The following MASP2 variants were observed in gnomAD, a reference collection of about 807,000 sequenced individuals.
The protein encoded by MASP2 is MBL associated serine protease 2.
Under a neutral mutation model 57.1 loss-of-function variants are expected in MASP2, and 49 were observed. The ratio of observed to expected loss-of-function variants is 0.86; its 90% CI spans 0.68 to 1.09. MASP2 has a LOEUF of 1.09. Among genes scored for constraint, MASP2 ranks in the 50% least tolerant of loss-of-function variants. The probability of loss-of-function intolerance (pLI) is 0.00; values close to 1 mark genes in which losing one functional copy is unlikely to be tolerated. For synonymous variants in MASP2, 379 were observed against 340.8 expected (o/e 1.11, Z -1.24); for missense variants, 900 against 874.8 (o/e 1.03, Z -0.36).
chr1:11,028,687 A>C (rs184625276), intron 10 of MASP2, among the ~76,000 whole-genome samples: 1 of 142,340 alleles, frequency 7.0e-6, no homozygotes, highest in African/African-American at 2.7e-5. Flanking sequence ...ATATATTACT[A>C]TCTTTCTGGG....
chr1:11,045,041 T>C, intron 4 of MASP2: 1 of 1,290,466 alleles, frequency 7.7e-7, no homozygotes, highest in Non-Finnish European at 1.1e-6. Flanking sequence ...CAGGTGGGGC[T>C]GCCCACGCCC....
At position 11,027,486 on chromosome 1, in the gene MASP2, T is replaced by C. The variant is rs755571013; in HGVS notation, c.1460A>G (p.Glu487Gly). The change falls in exon 11 of 11, where the codon GAG becomes GGG. Residue 487 changes from glutamate (E) to glycine (G), a missense_variant. Transcript: ENST00000400897. ...CAGGGCGGATGCATCATGTTTTTGC[T>C]CATAGACGGCATGAGCAGCTGTTAG... ...WVLTAAHAVY[E>G]QKHDASALDI... The C allele has an allele frequency of 2.0e-5, 32 of 1,614,152 alleles. No homozygotes were observed. The South Asian group carries it at 2.9e-4, about 14-fold the overall frequency.
intron 10 of MASP2, among the ~76,000 whole-genome samples, chr1:11,028,937 TCTC>T (rs1643791850): frequency 6.6e-6 from 1 of 151,024 alleles, no homozygotes; most frequent in South Asian, 2.1e-4. Context: ...CTGGTCTTGA[TCTC>T]CTGACCTCAC....
rs772959146 is a variant in MASP2 at position 11,030,809 on chromosome 1, G to C, written c.1161C>G (p.Thr387=). 1.9e-6 allele frequency: 3 copies of C among 1,614,000 alleles called. No individual in the cohort carries two copies. The highest frequency in any genetic ancestry group is 1.1e-5 in the South Asian group (1 of 91,076). The change falls in exon 9 of 11, where the codon ACC becomes ACG. Residue 387 remains threonine (T), a synonymous_variant. Transcript: ENST00000400897. ...AGCTGTACTGAATCACAGCTTTGTAGGTGGTCACTCCAGGACCTGTGATGT... is the reference window on the plus strand; with the variant it reads ...AGCTGTACTGAATCACAGCTTTGTACGTGGTCACTCCAGGACCTGTGATGT... The part of the protein sequence containing the change: ...VEYITGPGVT[T]YKAVIQYSCE...
At chr1:11,031,299 A>G (rs920264722) in intron 8 of MASP2, among the ~76,000 whole-genome samples, 6 of 151,964 alleles carry the variant, frequency 3.9e-5, no homozygotes, top group African/African-American at 1.2e-4. Context: ...CGAGGCGGGC[A>G]GATCACAAGG....
Position 11,046,520 on chromosome 1 carries a change from G to A in MASP2, c.412+36C>T, listed in dbSNP as rs761240910. On this transcript the variant is annotated intron_variant, in intron 3 of 10. Coordinates refer to ENST00000400897, the MANE Select transcript of MASP2 (RefSeq NM_006610.4). ...CAGAGTTACCCCCACAGCCAGCTGCGCAGACTGAGATGTTGCAGGACCCCT... is the reference window on the plus strand; with the variant it reads ...CAGAGTTACCCCCACAGCCAGCTGCACAGACTGAGATGTTGCAGGACCCCT... 2.2e-5 allele frequency: 36 copies of A among 1,611,292 alleles called. No homozygotes were observed. The East Asian group carries it at 3.3e-4, about 15-fold the overall frequency.
chr1:11,034,243 GAAAA>G lies in MASP2; in HGVS notation c.1087+581_1087+584del, dbSNP rs59936951. Reference sequence around the variant, plus strand: ...GGGCAACAGAATGAGACCCTTCTCAGAAAAAAAAAAAAAAAAAAACCTTGTCAAA... The same window carrying G: ...GGGCAACAGAATGAGACCCTTCTCAGAAAAAAAAAAAAAAACCTTGTCAAA... On this transcript the variant is annotated intron_variant, in intron 8 of 10. Coordinates refer to ENST00000400897, the MANE Select transcript of MASP2 (RefSeq NM_006610.4). 8.5e-3 allele frequency among the ~76,000 whole-genome samples: 559 copies of G among 65,814 alleles called. 3 individuals are homozygous for G. Among genetic ancestry groups the G allele is most frequent in the African/African-American group, 0.021 (535 of 26,022 alleles). 43.2% of individuals were successfully genotyped at this position (65,814 alleles called of 152,430 possible).
In MASP2 at chr1:11,046,984, C is replaced by T; in HGVS notation, c.141G>A (p.Trp47Ter). The change falls in exon 2 of 11, where the codon TGG (tryptophan) becomes TGA (stop). Residue 47 changes from tryptophan (W) to a stop codon, truncating the protein, a stop_gained. Coordinates refer to ENST00000400897, the MANE Select transcript of MASP2 (RefSeq NM_006610.4). LOFTEE classifies it high-confidence loss of function. ...GGTAGCCGGGGGGTGCAGTCAGGGT[C>T]CAGCGCCGCTCCTGGTCATTGGCAT... Reference protein sequence around the residue: ...GEYANDQERRWTLTAPPGYRL... With the variant: ...GEYANDQERR 6.4e-7 allele frequency: 1 copy of T among 1,557,230 alleles called. No individual in the cohort carries two copies. The highest frequency in any genetic ancestry group is 8.7e-7 in the Non-Finnish European group (1 of 1,150,188).
rs1163574466 is a variant in MASP2 at position 11,046,556 on chromosome 1, C to T, written c.412G>A (p.Asp138Asn). ...TGFEAFYAAE[D>N]IDECQVAPGE... ...TGTTGCAGGACCCCTCTTGGCTCAC[C>T]CTCGGCTGCATAGAAGGCCTCGAAC... Residue 138 changes from aspartate to asparagine, a missense_variant and splice_region_variant, in exon 3 of 11, where the codon GAC (aspartate) becomes AAC (asparagine). Physicochemically the swap from Asp to Asn is conservative, Grantham distance 23. Coordinates refer to ENST00000400897, the MANE Select transcript of MASP2 (RefSeq NM_006610.4). 2 of 1,613,862 alleles carry T rather than the reference C, an allele frequency of 1.2e-6. No homozygotes were observed. Among genetic ancestry groups the T allele is most frequent in the East Asian group, 2.2e-5 (1 of 44,894 alleles).
intron 7 of MASP2, among the ~76,000 whole-genome samples, chr1:11,035,292 G>A (rs1002131357): frequency 2.0e-5 from 3 of 152,106 alleles, no homozygotes; most frequent in African/African-American, 4.8e-5. Flanking sequence ...TGGAGACCAA[G>A]GCGGGTGGAT....
In MASP2 at chr1:11,046,926, C is replaced by A. The variant is rs983697459; in HGVS notation, c.199G>T (p.Glu67Ter). Residue 67 changes from glutamate (E) to a stop codon, truncating the protein, a stop_gained, in exon 2 of 11, where the codon GAG becomes TAG. Transcript: ENST00000400897. LOFTEE classifies it high-confidence loss of function. ...LRLYFTHFDL[E>*]LSHLCEYDFV... ...TCGTACTCGCAGAGGTGGGAGAGCTCCAGGTCGAAGTGGGTGAAGTAGAGG... is the reference window on the plus strand; with the variant it reads ...TCGTACTCGCAGAGGTGGGAGAGCTACAGGTCGAAGTGGGTGAAGTAGAGG... 3 of 1,572,472 alleles carry A rather than the reference C, an allele frequency of 1.9e-6. No individual in the cohort carries two copies. The highest frequency in any genetic ancestry group is 2.6e-6 in the Non-Finnish European group (3 of 1,158,706).
rs762309624 is a variant in MASP2, at chr1:11,027,133, G to A, written c.1813C>T (p.Pro605Ser). 1.2e-6 allele frequency: 2 copies of A among 1,612,846 alleles called. No homozygotes were observed. The highest frequency in any genetic ancestry group is 2.2e-5 in the South Asian group (2 of 90,824). The change falls in exon 11 of 11, where the codon CCA (proline) becomes TCA (serine). Residue 605 changes from proline (P) to serine (S), a missense_variant. Physicochemically the swap from Pro to Ser is moderately conservative, Grantham distance 74 (BLOSUM62 -1). Coordinates refer to ENST00000400897, the MANE Select transcript of MASP2 (RefSeq NM_006610.4). ...HQKCTAAYEK[P>S]PYPRGSVTAN... The stretch of plus-strand genomic sequence containing the variant: ...GTTACACTTCCCCTTGGATAGGGTG[G>A]CTTTTCATATGCAGCAGTACATTTT...
intron 8 of MASP2, among the ~76,000 whole-genome samples, chr1:11,033,965 A>ACACACACACT (rs1445746544): frequency 6.5e-5 from 1 of 15,434 alleles, no homozygotes; most frequent in African/African-American, 1.7e-4. Context: ...ACACACACAC[A>ACACACACACT]CTCTCTCTCT....
intron 6 of MASP2, among the ~76,000 whole-genome samples, chr1:11,041,583 G>C (rs113568207): frequency 1.5e-5 from 2 of 135,944 alleles, no homozygotes; most frequent in South Asian, 2.6e-4. Flanking sequence ...TAAGTGGGTG[G>C]GTGGGTGGAT....
chr1:11,034,461 G>A (rs1156790523), intron 8 of MASP2, among the ~76,000 whole-genome samples: 1 of 150,980 alleles, frequency 6.6e-6, no homozygotes, highest in Non-Finnish European at 1.5e-5. Context: ...ACTTTGGGAG[G>A]CTGAGACCGG....
chr1:11,045,574 AG>A (rs1337323665), intron 3 of MASP2, 35 bp from the exon 4 acceptor site: 1 of 1,581,352 alleles, frequency 6.3e-7, no homozygotes, highest in African/African-American at 1.3e-5. Flanking sequence ...GGCCGTCAGG[AG>A]GGAAAGAGGC....
intron 7 of MASP2, 100 bp downstream of exon 7, chr1:11,037,593 A>C (rs1638282905): frequency 4.2e-6 from 3 of 715,188 alleles, no homozygotes; most frequent in Non-Finnish European, 6.8e-6. Flanking sequence ...TCATGCTGAC[A>C]CACGATTTTC....
At chr1:11,039,330 GTGGA>G (rs57562185) in intron 6 of MASP2, among the ~76,000 whole-genome samples, 21,539 of 146,802 alleles carry the variant, frequency 0.15, 2,280 homozygotes, top group African/African-American at 0.3. Flanking sequence ...TGGAAGGATG[GTGGA>G]TGGATGGATG....
chr1:11,028,666 A>AAGG (rs1490286060), intron 10 of MASP2, among the ~76,000 whole-genome samples: 1 of 151,838 alleles, frequency 6.6e-6, no homozygotes, highest in Admixed American at 6.6e-5. Context: ...CAAATAACAC[A>AAGG]AGGGTAATTA....
Sources: allele counts gnomAD v4.1 joint callset (sites outside exome capture counted in the v4.1 genomes callset), GRCh38; gene constraint gnomAD v4.1.1; transcripts MANE v1.5; gene names NCBI Gene and HGNC (gene_info 2026-07-23, HGNC 2026-07-21).